PDE5A: variants seen among roughly 807,000 people sequenced by gnomAD.
PDE5A encodes the protein cGMP-specific 3',5'-cyclic phosphodiesterase.
A neutral mutation model predicts 110.2 loss-of-function variants in PDE5A; 67 were observed. That is an observed-to-expected ratio of 0.61 (90% CI 0.50 to 0.75). The LOEUF (loss-of-function observed/expected upper bound fraction) is 0.75. PDE5A is among the 30% of genes least tolerant of loss of function. The pLI is 0.00. For missense variants in PDE5A, 862 were observed against 1,045.1 expected, an observed-to-expected ratio of 0.82 and a Z score of 2.42; for synonymous variants, 328 against 351.2, an observed-to-expected ratio of 0.93 and a Z score of 0.74.
chr4:119,550,980 C>A (rs143509600), intron 9 of PDE5A, among the ~76,000 whole-genome samples: 23 of 152,252 alleles, frequency 1.5e-4, no homozygotes, highest in African/African-American at 5.3e-4. Context: ...TCATTAGCCT[C>A]CACTTTTTTC....
chr4:119,613,272 C>T (rs1729819358), intron 1 of PDE5A, among the ~76,000 whole-genome samples: 1 of 152,146 alleles, frequency 6.6e-6, no homozygotes, highest in Non-Finnish European at 1.5e-5. Context: ...CAAATATAAA[C>T]TTATTTTCAT....
At chr4:119,594,781 C>T (rs1271952721) in intron 3 of PDE5A, among the ~76,000 whole-genome samples, 1 of 152,170 alleles carries the variant, frequency 6.6e-6, no homozygotes, top group African/African-American at 2.4e-5. Flanking sequence ...CTGAGAATGA[C>T]TACTGAGAAG....
intron 2 of PDE5A, among the ~76,000 whole-genome samples, chr4:119,606,298 G>A (rs1371497329): frequency 6.7e-6 from 1 of 148,592 alleles, no homozygotes; most frequent in East Asian, 1.9e-4. Context: ...AATGAAAAGA[G>A]ACTATGAGTT....
chr4:119,549,197 A>C (rs1489898924), intron 9 of PDE5A: 2 of 152,208 alleles, frequency 1.3e-5, no homozygotes, highest in East Asian at 3.8e-4. Flanking sequence ...AAAATTCATT[A>C]AGGCCTACTC....
Position 119,519,056 on chromosome 4 carries a change from A to G in PDE5A, c.1989T>C (p.Ser663=). ...HDLDHRGVNN[S]YIQRSEHPLA... is the part of the protein sequence containing the mutation. Reference sequence around the variant, plus strand: ...TGGGAAAGTCTTACCGCTGTATGTAAGAGTTATTCACACCACGGTGATCCA... The same window carrying G: ...TGGGAAAGTCTTACCGCTGTATGTAGGAGTTATTCACACCACGGTGATCCA... Residue 663 remains serine (S), a synonymous_variant, in exon 14 of 21, where the codon TCT becomes TCC. Coordinates refer to ENST00000354960, the MANE Select transcript of PDE5A (RefSeq NM_001083.4). The G allele has an allele frequency of 6.2e-7, 1 of 1,610,200 alleles. No homozygotes were observed. The highest frequency in any genetic ancestry group is 8.5e-7 in the Non-Finnish European group (1 of 1,176,464).
chr4:119,539,102 A>G (rs1387895814), intron 10 of PDE5A, 83 bp from the exon 11 acceptor site: 2 of 1,048,366 alleles, frequency 1.9e-6, no homozygotes, highest in Non-Finnish European at 3.0e-6. Flanking sequence ...GAATTCTGCT[A>G]AGTCTTCTTG....
chr4:119,569,300 A>G (rs1045393183), intron 3 of PDE5A, among the ~76,000 whole-genome samples: 3 of 152,134 alleles, frequency 2.0e-5, no homozygotes, highest in African/African-American at 2.4e-5. Flanking sequence ...CTGGCCTCCC[A>G]AAGTGCTGGG....
At chr4:119,529,753 G>C (rs3775849) in intron 11 of PDE5A, among the ~76,000 whole-genome samples, 39,985 of 152,076 alleles carry the variant, frequency 0.26, 5,393 homozygotes, top group East Asian at 0.38. Context: ...TACAGTAGTT[G>C]CTACTACCTG....
At position 119,501,194 on chromosome 4, in the gene PDE5A, A is replaced by T. The variant is rs1326913005; in HGVS notation, c.2466T>A (p.Asp822Glu). 1.9e-6 allele frequency: 3 copies of T among 1,611,184 alleles called. No homozygotes were observed. The highest frequency in any genetic ancestry group is 2.5e-6 in the Non-Finnish European group (3 of 1,177,574). ...CCTCATACAGTTGCAAGCAGATGGC[A>T]TCTATGAACCCAACTTGCATACTTG... ...KIPSMQVGFIDAICLQLYEAL... is the reference protein window; with the variant it reads ...KIPSMQVGFIEAICLQLYEAL... The change falls in exon 20 of 21, where the codon GAT (aspartate) becomes GAA (glutamate). Residue 822 changes from aspartate to glutamate, a missense_variant. Asp to Glu is a conservative substitution (Grantham distance 45). Transcript: ENST00000354960.
intron 17 of PDE5A, 55 bp downstream of exon 17, chr4:119,505,800 T>G: frequency 6.9e-6 from 7 of 1,007,450 alleles, no homozygotes; most frequent in Non-Finnish European, 1.0e-5. Context: ...GAAAAAATAG[T>G]GAGAAAATTA....
intron 9 of PDE5A, chr4:119,549,244 T>G (rs1462435299): frequency 2.0e-5 from 3 of 152,206 alleles, no homozygotes; most frequent in Non-Finnish European, 4.4e-5. Context: ...TCCCAAATTT[T>G]ATTGATAGAA....
intron 13 of PDE5A, chr4:119,519,765 A>C (rs1371863256): frequency 6.6e-6 from 1 of 152,132 alleles, no homozygotes; most frequent in Non-Finnish European, 1.5e-5. Context: ...TTTACAACAA[A>C]CACAAAAATC....
At position 119,498,444 on chromosome 4, in the gene PDE5A, A is replaced by G; in HGVS notation, c.*157T>C. 1 of 707,062 alleles carries G rather than the reference A, an allele frequency of 1.4e-6. No individual in the cohort carries two copies. Among genetic ancestry groups the G allele is most frequent in the Non-Finnish European group, 2.3e-6 (1 of 433,646 alleles). The allele number at this position is 707,062 out of a possible 1,614,324, so 43.8% of individuals were successfully genotyped here. A position where few individuals can be genotyped will look rare whatever the true frequency, so the allele number is the denominator to read the frequency against. On this transcript the variant is annotated 3_prime_UTR_variant, in exon 21 of 21. Transcript: ENST00000354960. ...AAATATGTAATAGTCCTCTAAAAACATTCATGCTATACTCTCAAAAGTTGT... is the reference window on the plus strand; with the variant it reads ...AAATATGTAATAGTCCTCTAAAAACGTTCATGCTATACTCTCAAAAGTTGT...
At chr4:119,554,033 T>C (rs574848276) in intron 7 of PDE5A, among the ~76,000 whole-genome samples, 22 of 152,296 alleles carry the variant, frequency 1.4e-4, no homozygotes, top group Non-Finnish European at 2.2e-4. Flanking sequence ...TGTCATTTAA[T>C]GTAAACTCAT....
chr4:119,558,744 CGTCTCTACTAAAA>C (rs1727629491), intron 7 of PDE5A, among the ~76,000 whole-genome samples: 2 of 151,830 alleles, frequency 1.3e-5, no homozygotes, highest in South Asian at 4.1e-4. Flanking sequence ...AGTGAAACCC[CGTCTCTACTAAAA>C]ATACAAAAAA....
At position 119,627,888 on chromosome 4, in the gene PDE5A, T is replaced by A. The variant is rs1021736375; in HGVS notation, c.152+632A>T. The A allele has an allele frequency of 7.7e-6, 2 of 258,874 alleles. No homozygotes were observed. The highest frequency in any genetic ancestry group is 1.3e-4 in the Admixed American group (2 of 15,404). 16.0% of individuals were successfully genotyped at this position (258,874 alleles called of 1,614,324 possible). A position where few individuals can be genotyped will look rare whatever the true frequency, so the allele number is the denominator to read the frequency against. On this transcript the variant is annotated intron_variant, in intron 1 of 20. Coordinates refer to ENST00000354960, the MANE Select transcript of PDE5A (RefSeq NM_001083.4). This position sits in a 1 kb window ranked among gnomAD's most constrained non-coding sequence, Gnocchi z 4.6. Reference sequence around the variant, plus strand: ...TTTGTGTGCACGCCGCAAACCCCTCTGCAGAGCTCTACTTTTGGCGGCACA... The same window carrying A: ...TTTGTGTGCACGCCGCAAACCCCTCAGCAGAGCTCTACTTTTGGCGGCACA...
intron 1 of PDE5A, among the ~76,000 whole-genome samples, chr4:119,609,410 T>C (rs958074471): frequency 2.6e-5 from 4 of 152,308 alleles, no homozygotes; most frequent in Admixed American, 2.6e-4. Flanking sequence ...TACTGATATG[T>C]ATGATATGAA....
chr4:119,581,254 T>C (rs1728578446), intron 3 of PDE5A, among the ~76,000 whole-genome samples: 1 of 152,076 alleles, frequency 6.6e-6, no homozygotes. Context: ...ATAGGCTGAA[T>C]AGAATTTAAA....
chr4:119,506,443 C>A (rs1725555845), intron 16 of PDE5A, among the ~76,000 whole-genome samples: 1 of 151,660 alleles, frequency 6.6e-6, no homozygotes, highest in Non-Finnish European at 1.5e-5. Context: ...ACAGTGAATA[C>A]CTCTTTATGT....
Sources: allele counts gnomAD v4.1 joint callset (sites outside exome capture counted in the v4.1 genomes callset), GRCh38; gene constraint gnomAD v4.1.1; non-coding constraint Gnocchi (gnomAD v3.1); transcripts MANE v1.5; gene names NCBI Gene and HGNC (gene_info 2026-07-23, HGNC 2026-07-21).